The following AFF3 variants were observed in gnomAD, a reference collection of about 807,000 sequenced individuals.
AFF3 encodes the protein ALF transcription elongation factor 3.
A neutral mutation model predicts 129.7 loss-of-function variants in AFF3; 32 were observed. That is an observed-to-expected ratio of 0.25 (90% CI 0.19 to 0.33). The LOEUF is 0.33. Among genes scored for constraint, AFF3 ranks in the 10% least tolerant of loss-of-function variants. The pLI is 1.00. For missense variants in AFF3, 1,373 were observed against 1,592.0 expected (o/e 0.86, Z 2.34); for synonymous variants, 644 against 635.4 (o/e 1.01, Z -0.20).
At chr2:99,733,647 T>A (rs1256504530) in intron 10 of AFF3, among the ~76,000 whole-genome samples, 1 of 152,096 alleles carries the variant, frequency 6.6e-6, no homozygotes, top group Non-Finnish European at 1.5e-5. Flanking sequence ...GGGTAGGAGT[T>A]AAGTTTCGTT....
chr2:100,045,593 A>G (rs1303246957), intron 4 of AFF3, among the ~76,000 whole-genome samples: 1 of 150,862 alleles, frequency 6.6e-6, no homozygotes, highest in African/African-American at 2.4e-5. Context: ...TAAAAGTTAC[A>G]GCAAATGTGC....
chr2:99,839,096 T>C (rs1406703562), intron 7 of AFF3, among the ~76,000 whole-genome samples: 1 of 152,154 alleles, frequency 6.6e-6, no homozygotes, highest in African/African-American at 2.4e-5. Context: ...AGAGTTACCA[T>C]ATGGTAATCT....
At chr2:99,853,269 A>T (rs1389764544) in intron 7 of AFF3, among the ~76,000 whole-genome samples, 1 of 152,146 alleles carries the variant, frequency 6.6e-6, no homozygotes, top group Non-Finnish European at 1.5e-5. Flanking sequence ...CTTCAACCCA[A>T]TGGTTTCTAA....
intron 4 of AFF3, among the ~76,000 whole-genome samples, chr2:100,026,095 C>T (rs986692310): frequency 6.6e-6 from 1 of 152,064 alleles, no homozygotes; most frequent in African/African-American, 2.4e-5. Flanking sequence ...AAGGAACAGT[C>T]GGCACAGTAA....
At chr2:100,016,564 T>C (rs1573127762) in intron 4 of AFF3, among the ~76,000 whole-genome samples, 1 of 150,110 alleles carries the variant, frequency 6.7e-6, no homozygotes, top group East Asian at 2.0e-4. Flanking sequence ...ATAGTATTGG[T>C]GGTGAACATG....
intron 8 of AFF3, among the ~76,000 whole-genome samples, chr2:99,805,445 C>T (rs72956176): frequency 0.068 from 10,322 of 152,098 alleles, 1,181 homozygotes; most frequent in African/African-American, 0.23. Context: ...TTGCGTTGTT[C>T]AGACAAACAC....
At chr2:99,981,709 T>C (rs1311810840) in intron 7 of AFF3, among the ~76,000 whole-genome samples, 1 of 152,248 alleles carries the variant, frequency 6.6e-6, no homozygotes, top group Non-Finnish European at 1.5e-5. Flanking sequence ...GGGCTTTTTC[T>C]AATTGATATA....
intron 13 of AFF3, among the ~76,000 whole-genome samples, chr2:99,602,995 C>A (rs1460052881): frequency 6.6e-6 from 1 of 152,200 alleles, no homozygotes; most frequent in Admixed American, 6.5e-5. Flanking sequence ...GTGAACATAA[C>A]TTTCCCTAGT....
At chr2:99,997,239 A>G (rs529851832) in intron 7 of AFF3, among the ~76,000 whole-genome samples, 17 of 152,328 alleles carry the variant, frequency 1.1e-4, no homozygotes, top group African/African-American at 3.8e-4. Context: ...CTCAAACTCA[A>G]TAAGCCCAAG....
chr2:99,625,248 C>G (rs950766776), intron 13 of AFF3, among the ~76,000 whole-genome samples: 2 of 152,086 alleles, frequency 1.3e-5, no homozygotes, highest in African/African-American at 4.8e-5. Context: ...ATCAAAATAT[C>G]GTTTGCGTAG....
chr2:99,647,997 A>G lies in AFF3; in HGVS notation c.1184+1629T>C, dbSNP rs139654102. 4.5e-3 allele frequency among the ~76,000 whole-genome samples: 686 copies of G among 152,316 alleles called. 3 individuals carry two copies. The highest frequency in any genetic ancestry group is 0.016 in the African/African-American group (646 of 41,562). ...ATATGTTTTGGGAAGAAATCTTCGA[A>G]TGTATCAGTCCTAGTTTCTGATGAA... is the stretch of plus-strand genomic sequence containing the variant. On this transcript the variant is annotated intron_variant, in intron 13 of 24. Coordinates refer to ENST00000672756, the MANE Select transcript of AFF3 (RefSeq NM_001386135.1).
At chr2:99,804,773 C>A (rs1022522099) in intron 8 of AFF3, among the ~76,000 whole-genome samples, 3 of 152,080 alleles carry the variant, frequency 2.0e-5, no homozygotes, top group Admixed American at 6.6e-5. Flanking sequence ...GAAATAATGT[C>A]TTTTGTAGCA....
intron 13 of AFF3, among the ~76,000 whole-genome samples, chr2:99,604,928 C>T (rs1219933071): frequency 1.3e-5 from 2 of 152,234 alleles, no homozygotes; most frequent in Non-Finnish European, 2.9e-5. Flanking sequence ...ACATGCGATG[C>T]TGGTTCTGTG....
chr2:99,670,391 AT>A (rs35517678), intron 12 of AFF3, among the ~76,000 whole-genome samples: 86,843 of 151,932 alleles, frequency 0.57, 25,407 homozygotes, highest in African/African-American at 0.7. Context: ...AAGGTTAAGG[AT>A]TTTTCATACA....
intron 7 of AFF3, among the ~76,000 whole-genome samples, chr2:100,002,072 G>A (rs954629947): frequency 6.6e-6 from 1 of 152,212 alleles, no homozygotes; most frequent in African/African-American, 2.4e-5. Context: ...ATGACACCAC[G>A]ACAGGTGGGG....
At position 99,689,805 on chromosome 2, in the gene AFF3, T is replaced by C. The variant is rs559155450; in HGVS notation, c.1092-17216A>G. Among the ~76,000 whole-genome samples the C allele has an allele frequency of 6.6e-5, 10 of 151,590 alleles. 1 individual carries two copies. In the South Asian group the frequency reaches 2.1e-3, roughly 32 times the overall value. ...AGTGGGCAGAAAAAGAAAAATGAGCTCAAAATAAGTTATAAAAGCTTACTT... is the reference window on the plus strand; with the variant it reads ...AGTGGGCAGAAAAAGAAAAATGAGCCCAAAATAAGTTATAAAAGCTTACTT... On this transcript the variant is annotated intron_variant, in intron 11 of 24. Coordinates refer to ENST00000672756, the MANE Select transcript of AFF3 (RefSeq NM_001386135.1).
rs763799775 is a variant in AFF3 at position 99,560,348 on chromosome 2, C to T, written c.3191+17G>A. The T allele has an allele frequency of 1.5e-5, 25 of 1,613,132 alleles. 1 individual carries two copies. The highest frequency in any genetic ancestry group is 1.3e-4 in the South Asian group (12 of 90,934). On this transcript the variant is annotated intron_variant, in intron 21 of 24. Coordinates refer to ENST00000672756, the MANE Select transcript of AFF3 (RefSeq NM_001386135.1). ...GCGAGGCTGGGGCTGCTATTCTAAG[C>T]GGAGATGGGCACTCACCATAATGCA...
intron 8 of AFF3, among the ~76,000 whole-genome samples, chr2:99,808,744 A>C (rs1330713622): frequency 6.6e-6 from 1 of 152,250 alleles, no homozygotes; most frequent in African/African-American, 2.4e-5. Flanking sequence ...TATAAAAATG[A>C]TGTACAATGT....
At chr2:99,690,986 G>A (rs1299404383) in intron 11 of AFF3, among the ~76,000 whole-genome samples, 1 of 151,954 alleles carries the variant, frequency 6.6e-6, no homozygotes, top group Non-Finnish European at 1.5e-5. Context: ...TGTGACAAAG[G>A]GAAGTAAGGA....
Sources: gnomAD v4.1 joint callset for allele counts (sites outside exome capture counted in the v4.1 genomes callset) on GRCh38, gnomAD v4.1.1 for gene constraint, MANE v1.5 for transcripts, NCBI Gene and HGNC (gene_info 2026-07-23, HGNC 2026-07-21) for gene names.